Variants in GABRB2 observed in about 807,000 individuals in gnomAD.
The protein encoded by GABRB2 is gamma-aminobutyric acid type A receptor subunit beta2.
Under a neutral mutation model 54.7 loss-of-function variants are expected in GABRB2, and 16 were observed. The ratio of observed to expected loss-of-function variants is 0.29; its 90% CI spans 0.20 to 0.44. GABRB2 has a LOEUF of 0.44. Among genes scored for constraint, GABRB2 ranks in the 20% least tolerant of loss-of-function variants. GABRB2 has a pLI of 1.00. For synonymous variants in GABRB2, 244 were observed against 233.8 expected (o/e 1.04, Z -0.40); for missense variants, 355 against 644.0 (o/e 0.55, Z 4.86).
At chr5:161,456,918 T>TA (rs1204409738) in intron 4 of GABRB2, among the ~76,000 whole-genome samples, 1 of 152,176 alleles carries the variant, frequency 6.6e-6, no homozygotes, top group Non-Finnish European at 1.5e-5. Context: ...AACAATAGAA[T>TA]AATATATTTT....
chr5:161,514,797 T>G (rs1759885374), intron 3 of GABRB2, among the ~76,000 whole-genome samples: 1 of 152,198 alleles, frequency 6.6e-6, no homozygotes, highest in South Asian at 2.1e-4. Flanking sequence ...TCTCAAGCCT[T>G]CGCTTGAATT....
chr5:161,348,661 A>C (rs896158935), intron 5 of GABRB2, among the ~76,000 whole-genome samples: 11 of 152,214 alleles, frequency 7.2e-5, no homozygotes, highest in Middle Eastern at 3.4e-3. Context: ...GATTTAATTA[A>C]AATTATAAAC....
chr5:161,354,901 T>C (rs911014186), intron 5 of GABRB2, among the ~76,000 whole-genome samples: 9 of 152,208 alleles, frequency 5.9e-5, no homozygotes, highest in Admixed American at 3.9e-4. Flanking sequence ...CTAATATTAC[T>C]ACTTTTTCCC....
At chr5:161,314,155 T>G (rs1202471448) in intron 9 of GABRB2, among the ~76,000 whole-genome samples, 1 of 152,214 alleles carries the variant, frequency 6.6e-6, no homozygotes, top group Admixed American at 6.5e-5. Context: ...TGAAATCCTC[T>G]GTCACATGTG....
chr5:161,489,554 A>G lies in GABRB2; in HGVS notation c.238-29710T>C, dbSNP rs561642979. ...AACTCAAACTCAGGTGGTTTGACTA[A>G]GGAGCTGAAGTCTTCACTAGCTTAG... On this transcript the variant is annotated intron_variant, in intron 3 of 9. Coordinates refer to ENST00000393959, the MANE Select transcript of GABRB2 (RefSeq NM_001371727.1). Among the ~76,000 whole-genome samples, 4 of 151,804 alleles carry G rather than the reference A, an allele frequency of 2.6e-5. No homozygotes were observed. The East Asian group carries it at 7.8e-4, about 30-fold the overall frequency.
At chr5:161,465,241 T>C (rs1581008986) in intron 3 of GABRB2, among the ~76,000 whole-genome samples, 1 of 151,718 alleles carries the variant, frequency 6.6e-6, no homozygotes, top group East Asian at 1.9e-4. Flanking sequence ...AAAAGATATC[T>C]GACATCTGGA....
chr5:161,293,724 G>A lies in GABRB2; in HGVS notation c.*357C>T, dbSNP rs1233536468. 4.9e-6 allele frequency: 1 copy of A among 203,900 alleles called. No homozygotes were observed. The highest frequency in any genetic ancestry group is 2.3e-5 in the African/African-American group (1 of 43,116). The allele number at this position is 203,900 out of a possible 1,614,324, so 12.6% of individuals were successfully genotyped here. On this transcript the variant is annotated 3_prime_UTR_variant, in exon 10 of 10. Transcript: ENST00000393959. ...CCGACCTTAAAAAGGAAGATGAGGA[G>A]TATCTGGTTATGACCAAATGACTGA...
chr5:161,488,681 T>C (rs1759001604), intron 3 of GABRB2, among the ~76,000 whole-genome samples: 1 of 151,782 alleles, frequency 6.6e-6, no homozygotes, highest in Non-Finnish European at 1.5e-5. Flanking sequence ...TCTTCTAAAT[T>C]CTCATATAAT....
intron 3 of GABRB2, among the ~76,000 whole-genome samples, chr5:161,506,870 A>G (rs2113392871): frequency 6.6e-6 from 1 of 152,242 alleles, no homozygotes; most frequent in South Asian, 2.1e-4. Flanking sequence ...ATAATGTTGG[A>G]AAATCAGTTA....
intron 9 of GABRB2, among the ~76,000 whole-genome samples, chr5:161,321,309 T>A (rs1561606601): frequency 1.3e-5 from 2 of 152,136 alleles, no homozygotes. Context: ...TACCACTGCA[T>A]AATTTTAGTT....
At chr5:161,536,478 CT>C (rs368605730) in intron 3 of GABRB2, among the ~76,000 whole-genome samples, 5 of 152,288 alleles carry the variant, frequency 3.3e-5, no homozygotes, top group African/African-American at 1.2e-4. Context: ...TTTTAACCTC[CT>C]CTGATTTCAA....
chr5:161,425,650 C>T (rs914380229), intron 4 of GABRB2, among the ~76,000 whole-genome samples: 10 of 151,918 alleles, frequency 6.6e-5, no homozygotes, highest in Admixed American at 3.9e-4. Context: ...TGCTTTATTG[C>T]AGTGGTCTAG....
At chr5:161,441,525 C>T (rs980468578) in intron 4 of GABRB2, among the ~76,000 whole-genome samples, 5 of 152,116 alleles carry the variant, frequency 3.3e-5, no homozygotes, top group African/African-American at 9.7e-5. Context: ...ATTAGTATAA[C>T]CACTATGGAG....
At chr5:161,456,696 A>G (rs1006420659) in intron 4 of GABRB2, among the ~76,000 whole-genome samples, 3 of 152,190 alleles carry the variant, frequency 2.0e-5, no homozygotes, top group African/African-American at 4.8e-5. Context: ...ATAAGATAAT[A>G]TATGTAAAGT....
At position 161,290,970 on chromosome 5, in the gene GABRB2, G is replaced by C; in HGVS notation, c.*3111C>G. 1 of 152,452 alleles carries C rather than the reference G, an allele frequency of 6.6e-6. No individual in the cohort carries two copies. The highest frequency in any genetic ancestry group is 1.9e-4 in the East Asian group (1 of 5,190). The allele number at this position is 152,452 out of a possible 1,614,324, so 9.4% of individuals were successfully genotyped here. A position where few individuals can be genotyped will look rare whatever the true frequency, so the allele number is the denominator to read the frequency against. On this transcript the variant is annotated 3_prime_UTR_variant, in exon 10 of 10. Coordinates refer to ENST00000393959, the MANE Select transcript of GABRB2 (RefSeq NM_001371727.1). The stretch of plus-strand genomic sequence containing the variant: ...TATTATTTTACTTAGCACTGCTTTT[G>C]AAGAAATGAGAAGAGAAAAGGTCTA...
chr5:161,525,943 C>G (rs908132358), intron 3 of GABRB2, among the ~76,000 whole-genome samples: 1 of 151,112 alleles, frequency 6.6e-6, no homozygotes, highest in Non-Finnish European at 1.5e-5. Flanking sequence ...TGTATGACAA[C>G]GAAATATTGC....
Position 161,291,306 on chromosome 5 carries a change from A to T in GABRB2, c.*2775T>A, listed in dbSNP as rs1272922560. The stretch of plus-strand genomic sequence containing the variant: ...ATGTATAAACTGATAGTAATCCCAT[A>T]TCAGAACTACTAAACACACCTTTGT... On this transcript the variant is annotated 3_prime_UTR_variant, in exon 10 of 10. Coordinates refer to ENST00000393959, the MANE Select transcript of GABRB2 (RefSeq NM_001371727.1). 1 of 152,210 alleles carries T rather than the reference A, an allele frequency of 6.6e-6. No homozygotes were observed. 9.4% of individuals were successfully genotyped at this position (152,210 alleles called of 1,614,324 possible).
At chr5:161,457,833 T>C (rs1561657304) in intron 4 of GABRB2, among the ~76,000 whole-genome samples, 1 of 152,194 alleles carries the variant, frequency 6.6e-6, no homozygotes, top group African/African-American at 2.4e-5. Flanking sequence ...CCTCAACTTT[T>C]ATTGCACTGC....
At chr5:161,350,923 T>C (rs1405155712) in intron 5 of GABRB2, among the ~76,000 whole-genome samples, 1 of 152,024 alleles carries the variant, frequency 6.6e-6, no homozygotes, top group Non-Finnish European at 1.5e-5. Context: ...GGCTGCACTA[T>C]TGGCTTCCCT....
Sources: gnomAD v4.1 joint callset for allele counts (sites outside exome capture counted in the v4.1 genomes callset) on GRCh38, gnomAD v4.1.1 for gene constraint, MANE v1.5 for transcripts, NCBI Gene and HGNC (gene_info 2026-07-23, HGNC 2026-07-21) for gene names.